The following FAM120A variants were observed in gnomAD, a reference collection of about 807,000 sequenced individuals.
FAM120A encodes constitutive coactivator of PPAR-gamma-like protein 1.
FAM120A carries 15 observed loss-of-function variants against 109.7 expected under a neutral mutation model. That is an observed-to-expected ratio of 0.14 (90% CI 0.09 to 0.21). FAM120A has a LOEUF of 0.21. Among genes scored for constraint, FAM120A ranks in the 10% least tolerant of loss-of-function variants. The pLI is 1.00. For missense variants in FAM120A, 899 were observed against 1,439.3 expected (o/e 0.62, Z 6.07); for synonymous variants, 493 against 572.8 (o/e 0.86, Z 1.99).
chr9:93,527,561 A>G (rs1861138610), intron 8 of FAM120A, among the ~76,000 whole-genome samples: 1 of 148,400 alleles, frequency 6.7e-6, no homozygotes, highest in Non-Finnish European at 1.5e-5. Flanking sequence ...TGCTAAATTT[A>G]ACTCCCCCAC....
At chr9:93,479,334 G>T (rs546773242) in intron 3 of FAM120A, among the ~76,000 whole-genome samples, 1 of 152,050 alleles carries the variant, frequency 6.6e-6, no homozygotes, top group African/African-American at 2.4e-5. Context: ...TCCTGACCTC[G>T]TGATCCGCCC....
At chr9:93,560,783 C>A (rs1862439811) in intron 15 of FAM120A, among the ~76,000 whole-genome samples, 1 of 152,204 alleles carries the variant, frequency 6.6e-6, no homozygotes, top group African/African-American at 2.4e-5. Flanking sequence ...GAAAAACATT[C>A]TTGAGTTTGC....
At chr9:93,458,758 C>T (rs1278321491) in intron 1 of FAM120A, among the ~76,000 whole-genome samples, 1 of 152,180 alleles carries the variant, frequency 6.6e-6, no homozygotes, top group Non-Finnish European at 1.5e-5. Context: ...AGAATGGCCT[C>T]TGCACCTACC....
chr9:93,506,798 G>C (rs908374355), intron 5 of FAM120A, among the ~76,000 whole-genome samples: 2 of 151,854 alleles, frequency 1.3e-5, no homozygotes, highest in Non-Finnish European at 2.9e-5. Context: ...GGGTTTCACT[G>C]TGTTAGCCAG....
chr9:93,460,734 T>C (rs1857759904), intron 1 of FAM120A, among the ~76,000 whole-genome samples: 1 of 152,178 alleles, frequency 6.6e-6, no homozygotes, highest in Non-Finnish European at 1.5e-5. Context: ...TAGTACATGC[T>C]CAGAAAATAT....
chr9:93,532,392 C>T lies in FAM120A; in HGVS notation c.1909+63C>T. 1 of 1,581,050 alleles carries T rather than the reference C, an allele frequency of 6.3e-7. No homozygotes were observed. Among genetic ancestry groups the T allele is most frequent in the Non-Finnish European group, 8.7e-7 (1 of 1,150,824 alleles). On this transcript the variant is annotated intron_variant, in intron 10 of 17. Transcript: ENST00000277165. This position sits in a 1 kb window ranked among gnomAD's most constrained non-coding sequence, Gnocchi z 4.3. ...TACCTCGTAATCTCTTGTGCATTTT[C>T]TAAAGCCTTAGAAGAATCATGACTG...
intron 9 of FAM120A, among the ~76,000 whole-genome samples, chr9:93,531,614 T>G (rs1182644615): frequency 6.6e-6 from 1 of 152,240 alleles, no homozygotes; most frequent in Non-Finnish European, 1.5e-5. Flanking sequence ...TCCTAGCCAC[T>G]GTACTGAGAC....
intron 8 of FAM120A, 62 bp from the exon 9 acceptor site, chr9:93,529,291 C>G: frequency 6.9e-7 from 1 of 1,442,278 alleles, no homozygotes; most frequent in Non-Finnish European, 9.4e-7. Context: ...ACCTACCATA[C>G]TTTAAATGAA....
chr9:93,465,066 G>A (rs1857957698), intron 1 of FAM120A, among the ~76,000 whole-genome samples: 1 of 152,178 alleles, frequency 6.6e-6, no homozygotes. Context: ...AAACAGGAAG[G>A]AGCTTCAGAA....
chr9:93,474,630 G>A (rs1019273556), intron 2 of FAM120A, among the ~76,000 whole-genome samples: 5 of 151,816 alleles, frequency 3.3e-5, no homozygotes, highest in African/African-American at 1.2e-4. Flanking sequence ...GTCTTGCTCT[G>A]TCGCCCAGGC....
intron 3 of FAM120A, among the ~76,000 whole-genome samples, chr9:93,489,049 C>T (rs1328272980): frequency 6.6e-6 from 1 of 150,918 alleles, no homozygotes; most frequent in Non-Finnish European, 1.5e-5. Flanking sequence ...GTTGTGTTGC[C>T]AACTCTTAAT....
chr9:93,465,178 G>C (rs1268700233), intron 1 of FAM120A, among the ~76,000 whole-genome samples: 3 of 152,178 alleles, frequency 2.0e-5, no homozygotes, highest in Admixed American at 2.0e-4. Flanking sequence ...AAGTTATTTT[G>C]ATGCAACCCA....
rs990690539 is a variant in FAM120A at position 93,545,842 on chromosome 9, A to G, written c.2159+2371A>G. On this transcript the variant is annotated intron_variant, in intron 11 of 17. Coordinates refer to ENST00000277165, the MANE Select transcript of FAM120A (RefSeq NM_014612.5). ...TTTTTGCTCTTGTCGCTGGAGTGCA[A>G]TGGTGTGATCATGGCTCACTGCAAC... Among the ~76,000 whole-genome samples, 7 of 118,764 alleles carry G rather than the reference A, an allele frequency of 5.9e-5. No individual in the cohort carries two copies. In the Admixed American group the frequency reaches 7.6e-4, roughly 13 times the overall value. 77.9% of individuals were successfully genotyped at this position (118,764 alleles called of 152,430 possible). A position where few individuals can be genotyped will look rare whatever the true frequency, so the allele number is the denominator to read the frequency against.
chr9:93,531,774 A>G (rs1186576885), intron 9 of FAM120A, among the ~76,000 whole-genome samples: 1 of 152,246 alleles, frequency 6.6e-6, no homozygotes, highest in Non-Finnish European at 1.5e-5. Flanking sequence ...AAAATTTTCA[A>G]TTATATTGCA....
At chr9:93,499,354 C>T (rs1048228373) in intron 5 of FAM120A, among the ~76,000 whole-genome samples, 1 of 151,678 alleles carries the variant, frequency 6.6e-6, no homozygotes, top group African/African-American at 2.4e-5. Flanking sequence ...GTAGTGTGAC[C>T]TCGGCTCACT....
intron 1 of FAM120A, among the ~76,000 whole-genome samples, chr9:93,469,623 A>T (rs999096365): frequency 8.5e-5 from 13 of 152,106 alleles, no homozygotes; most frequent in African/African-American, 1.9e-4. Context: ...TTTTGGATTT[A>T]AAAAAAATCT....
chr9:93,468,161 G>C (rs1008667229), intron 1 of FAM120A, among the ~76,000 whole-genome samples: 3 of 152,200 alleles, frequency 2.0e-5, no homozygotes, highest in Non-Finnish European at 4.4e-5. Flanking sequence ...TGGGATTACA[G>C]GTGTGAGCCA....
In FAM120A at chr9:93,550,664, C is replaced by T. The variant is rs769241758; in HGVS notation, c.2247C>T (p.Tyr749=). 48 of 1,613,742 alleles carry T rather than the reference C, an allele frequency of 3.0e-5. No homozygotes were observed. In the Middle Eastern group the frequency reaches 9.9e-4, roughly 33 times the overall value. The change falls in exon 12 of 18, where the codon TAC becomes TAT. Residue 749 remains tyrosine, a synonymous_variant. Coordinates refer to ENST00000277165, the MANE Select transcript of FAM120A (RefSeq NM_014612.5). ...FLAQALSPKL[Y]EPDQLQELKI... is the part of the protein sequence containing the mutation. Reference sequence around the variant, plus strand: ...CTCAGGCGCTGTCCCCCAAACTCTACGAGCCTGATCAGCTCCAGGAGCTCA... The same window carrying T: ...CTCAGGCGCTGTCCCCCAAACTCTATGAGCCTGATCAGCTCCAGGAGCTCA...
chr9:93,505,079 GAGA>G (rs1859981793), intron 5 of FAM120A, among the ~76,000 whole-genome samples: 1 of 22,354 alleles, frequency 4.5e-5, no homozygotes, highest in African/African-American at 1.6e-4. Context: ...TTTTTTTTTT[GAGA>G]AGGAGTCTCG....
Sources: gnomAD v4.1 joint callset for allele counts (sites outside exome capture counted in the v4.1 genomes callset) on GRCh38, gnomAD v4.1.1 for gene constraint, Gnocchi (gnomAD v3.1) non-coding constraint, MANE v1.5 for transcripts, NCBI Gene and HGNC (gene_info 2026-07-23, HGNC 2026-07-21) for gene names.